Variants in PDZD7 observed in about 807,000 individuals in gnomAD.
PDZD7 encodes PDZ domain-containing protein 7.
Under a neutral mutation model 84.7 loss-of-function variants are expected in PDZD7, and 72 were observed. That is an observed-to-expected ratio of 0.85 (90% CI 0.70 to 1.03). The LOEUF (loss-of-function observed/expected upper bound fraction) is 1.03. Among genes scored for constraint, PDZD7 ranks in the 50% least tolerant of loss-of-function variants. The probability of loss-of-function intolerance (pLI) is 0.00; values close to 1 mark genes in which losing one functional copy is unlikely to be tolerated. For synonymous variants in PDZD7, 594 were observed against 580.7 expected (o/e 1.02, Z -0.33); for missense variants, 1,490 against 1,412.9 (o/e 1.05, Z -0.87).
At chr10:101,027,780 G>A (rs546875976) in intron 2 of PDZD7, among the ~76,000 whole-genome samples, 2 of 152,168 alleles carry the variant, frequency 1.3e-5, no homozygotes, top group Admixed American at 1.3e-4. Context: ...TGGGGACTTC[G>A]TAATACTCTT....
Position 101,008,771 on chromosome 10 carries a change from C to G in PDZD7, c.2798G>C (p.Arg933Pro), listed in dbSNP as rs574483811. Residue 933 changes from arginine (R) to proline (P), a missense_variant, in exon 17 of 17, where the codon CGG (arginine) becomes CCG (proline). By Grantham distance (103) the Arg-to-Pro change is moderately radical (BLOSUM62 -2). Transcript: ENST00000619208. The stretch of plus-strand genomic sequence containing the variant: ...CTCCCGGGCCTTGTTTCGATAAGCC[C>G]GACGGATGGTGTCTACTGCACGCTG... ...THQRAVDTIR[R>P]AYRNKAREPM... 6.5e-7 allele frequency: 1 copy of G among 1,535,356 alleles called. No homozygotes were observed. Among genetic ancestry groups the G allele is most frequent in the Non-Finnish European group, 8.7e-7 (1 of 1,146,410 alleles).
At chr10:101,026,661 A>G (rs1937718734) in intron 2 of PDZD7, among the ~76,000 whole-genome samples, 2 of 115,666 alleles carry the variant, frequency 1.7e-5, no homozygotes, top group African/African-American at 6.8e-5. Flanking sequence ...GACAGGGAGA[A>G]ATCACACACA....
At chr10:101,012,958 C>G (rs757302666) in intron 11 of PDZD7, among the ~76,000 whole-genome samples, 3 of 152,234 alleles carry the variant, frequency 2.0e-5, no homozygotes, top group Admixed American at 6.5e-5. Context: ...CTCTGAAGAC[C>G]TGAACACTGG....
chr10:101,017,904 GAAAGAAAGA>G (rs1262425499), intron 9 of PDZD7, 186 bp downstream of exon 9: 147 of 460,274 alleles, frequency 3.2e-4, no homozygotes, highest in African/African-American at 9.6e-4. Context: ...AAGAAAGAAA[GAAAGAAAGA>G]AAAGAAAGAA....
rs1228415838 is a variant in PDZD7, at chr10:101,018,444, T to TC, written c.1325-149dup. ...GCCGGGGTGAGAGTGCGGTTCCTCT[T>TC]CCGACTTTCTGACCCTTTTCCCCAC... On this transcript the variant is annotated intron_variant, in intron 8 of 16. Transcript: ENST00000619208. 3.5e-6 allele frequency: 3 copies of TC among 860,352 alleles called. No individual in the cohort carries two copies. The African/African-American group carries it at 5.0e-5, about 14-fold the overall frequency. The allele number at this position is 860,352 out of a possible 1,614,324, so 53.3% of individuals were successfully genotyped here.
At chr10:101,015,502 A>G (rs1852578804) in intron 11 of PDZD7, 134 bp downstream of exon 11, 2 of 980,142 alleles carry the variant, frequency 2.0e-6, no homozygotes, top group Middle Eastern at 5.7e-4. Flanking sequence ...GACAGGAGTG[A>G]CTTCTGATTT....
chr10:101,010,999 C>T lies in PDZD7; in HGVS notation c.2006-116G>A, dbSNP rs930090101. The T allele has an allele frequency of 7.3e-6, 11 of 1,500,290 alleles. No homozygotes were observed. The East Asian group carries it at 2.7e-4, about 37-fold the overall frequency. 92.9% of individuals were successfully genotyped at this position (1,500,290 alleles called of 1,614,324 possible). ...GCCCGAGTTTGTTCAGGCACCACTG[C>T]AGTGCGGCCCACCCACCGGGGAGGC... On this transcript the variant is annotated intron_variant, in intron 14 of 16. Coordinates refer to ENST00000619208, the MANE Select transcript of PDZD7 (RefSeq NM_001195263.2).
At position 101,018,885 on chromosome 10, in the gene PDZD7, G is replaced by A. The variant is rs1455769410; in HGVS notation, c.1261C>T (p.Leu421=). Residue 421 remains leucine (L), a synonymous_variant, in exon 8 of 17, where the codon CTG becomes TTG. Transcript: ENST00000619208. Reference sequence around the variant, plus strand: ...GGCCGGGGTCGGCTGAGGGCCAGCAGCAAAGCCGTCTTGGGAGACTCAGAG... The same window carrying A: ...GGCCGGGGTCGGCTGAGGGCCAGCAACAAAGCCGTCTTGGGAGACTCAGAG... ...ALSESPKTAL[L]LALSRPRPPI... is the part of the protein sequence containing the mutation. 6.2e-7 allele frequency: 1 copy of A among 1,604,824 alleles called. No homozygotes were observed.
At chr10:101,027,050 C>T (rs1937754385) in intron 2 of PDZD7, among the ~76,000 whole-genome samples, 1 of 152,134 alleles carries the variant, frequency 6.6e-6, no homozygotes, top group African/African-American at 2.4e-5. Context: ...CCCAGGTGCT[C>T]CACTGCAGCC....
At chr10:101,021,688 T>A (rs1032391727) in intron 6 of PDZD7, 110 bp downstream of exon 6, 8 of 1,512,078 alleles carry the variant, frequency 5.3e-6, no homozygotes, top group Non-Finnish European at 1.8e-6. Context: ...CTGTCTACCT[T>A]CTAGTGGCTG....
intron 11 of PDZD7, among the ~76,000 whole-genome samples, chr10:101,014,424 A>G (rs1400079708): frequency 6.6e-6 from 1 of 151,998 alleles, no homozygotes; most frequent in Non-Finnish European, 1.5e-5. Context: ...GATGAGGGAA[A>G]AGGAGCCTCC....
chr10:101,025,816 A>G (rs927321936), intron 2 of PDZD7, among the ~76,000 whole-genome samples: 27 of 150,456 alleles, frequency 1.8e-4, no homozygotes, highest in South Asian at 2.1e-4. Context: ...TAAAGTGCTG[A>G]GATTACAGGC....
In PDZD7 at chr10:101,015,776, A is replaced by AC; in HGVS notation, c.1608dup (p.Ser537ValfsTer10). 2 of 1,549,602 alleles carry AC rather than the reference A, an allele frequency of 1.3e-6. No individual in the cohort carries two copies. The highest frequency in any genetic ancestry group is 1.7e-6 in the Non-Finnish European group (2 of 1,146,846). ...GGCAGCTGGCTGGAGGGACTCCCAGACCTGGCAGACAGCAGGGCCCGGCCC... is the reference window on the plus strand; with the variant it reads ...GGCAGCTGGCTGGAGGGACTCCCAGACCCTGGCAGACAGCAGGGCCCGGCCC... On this transcript the variant is annotated frameshift_variant, in exon 11 of 17. Transcript: ENST00000619208. LOFTEE classifies it high-confidence loss of function.
intron 10 of PDZD7, 56 bp downstream of exon 10, chr10:101,016,321 C>T: frequency 6.5e-7 from 1 of 1,534,508 alleles, no homozygotes; most frequent in Middle Eastern, 1.7e-4. Context: ...CCAGTATGCA[C>T]CCTCATCTGC....
intron 2 of PDZD7, among the ~76,000 whole-genome samples, chr10:101,025,774 CCT>C (rs1937654909): frequency 6.6e-6 from 1 of 150,978 alleles, no homozygotes; most frequent in African/African-American, 2.5e-5. Flanking sequence ...GTTTTGATCT[CCT>C]GACCTCGTGA....
At chr10:101,017,621 A>C in intron 9 of PDZD7, 1 of 701,688 alleles carries the variant, frequency 1.4e-6, no homozygotes, top group Non-Finnish European at 2.6e-6. Context: ...CATCTCTACA[A>C]AAAGATGCAA....
intron 2 of PDZD7, 72 bp from the exon 3 acceptor site, chr10:101,024,140 T>A: frequency 6.2e-7 from 1 of 1,610,620 alleles, no homozygotes; most frequent in Non-Finnish European, 8.5e-7. Flanking sequence ...TTCCCCAACT[T>A]GGGGCCTGCA....
intron 4 of PDZD7, 139 bp from the exon 5 acceptor site, chr10:101,022,524 T>G: frequency 1.1e-6 from 1 of 898,772 alleles, no homozygotes. Context: ...CAGTGGGGCA[T>G]AGGTTCATTA....
chr10:101,028,070 G>T (rs1207946544), intron 2 of PDZD7, among the ~76,000 whole-genome samples: 1 of 152,100 alleles, frequency 6.6e-6, no homozygotes, highest in Non-Finnish European at 1.5e-5. Flanking sequence ...TAATAACATG[G>T]GGCAGGGTTC....
Sources: allele counts gnomAD v4.1 joint callset (sites outside exome capture counted in the v4.1 genomes callset), GRCh38; gene constraint gnomAD v4.1.1; transcripts MANE v1.5; gene names NCBI Gene and HGNC (gene_info 2026-07-23, HGNC 2026-07-21).